MTA3: variants seen among roughly 807,000 people sequenced by gnomAD.
MTA3 encodes metastasis associated 1 family member 3, also known as metastasis-associated protein MTA3.
A neutral mutation model predicts 83.5 loss-of-function variants in MTA3; 34 were observed. That is an observed-to-expected ratio of 0.41 (90% CI 0.31 to 0.54). The LOEUF (loss-of-function observed/expected upper bound fraction) is 0.54. MTA3 is among the 20% of genes least tolerant of loss of function. MTA3 has a pLI of 0.33. For synonymous variants in MTA3, 303 were observed against 252.7 expected (o/e 1.20, Z -1.89); for missense variants, 761 against 726.4 (o/e 1.05, Z -0.55).
chr2:42,614,712 T>G (rs1684642338), intron 4 of MTA3, among the ~76,000 whole-genome samples: 2 of 152,106 alleles, frequency 1.3e-5, no homozygotes, highest in Non-Finnish European at 2.9e-5. Context: ...CAGTGGCTCA[T>G]GCCTGTAATC....
intron 8 of MTA3, among the ~76,000 whole-genome samples, chr2:42,677,515 TGTATTTTAGTAGAGATGG>T (rs1253755615): frequency 3.3e-5 from 5 of 152,168 alleles, no homozygotes; most frequent in Admixed American, 3.3e-4. Flanking sequence ...GCTGATTTTT[TGTATTTTAGTAGAGATGG>T]GTTTTCGCCG....
chr2:42,754,977 C>T lies in MTA3; in HGVS notation c.*1578C>T. 5 of 985,496 alleles carry T rather than the reference C, an allele frequency of 5.1e-6. No individual in the cohort carries two copies. The highest frequency in any genetic ancestry group is 6.0e-6 in the Non-Finnish European group (5 of 830,036). The allele number at this position is 985,496 out of a possible 1,614,324, so 61.0% of individuals were successfully genotyped here. A position where few individuals can be genotyped will look rare whatever the true frequency, so the allele number is the denominator to read the frequency against. The stretch of plus-strand genomic sequence containing the variant: ...GGGCGAGCATGGGATGTCTCCACCA[C>T]CACCCACTCTTGGAGCTGTGCTGGG... On this transcript the variant is annotated 3_prime_UTR_variant, in exon 17 of 17. Transcript: ENST00000405094.
At chr2:42,620,795 G>T (rs1328320137) in intron 4 of MTA3, among the ~76,000 whole-genome samples, 3 of 152,186 alleles carry the variant, frequency 2.0e-5, no homozygotes, top group Non-Finnish European at 4.4e-5. Flanking sequence ...GGCCCAGCTG[G>T]TTAACTCGAG....
chr2:42,547,686 AGAC>A (rs1676820628), intron 2 of MTA3, among the ~76,000 whole-genome samples: 1 of 152,230 alleles, frequency 6.6e-6, no homozygotes, highest in Non-Finnish European at 1.5e-5. Flanking sequence ...GGACTGGCCA[AGAC>A]TTAGCTATTG....
In MTA3 at chr2:42,542,789, T is replaced by A. The variant is rs184703543; in HGVS notation, c.-140-27648T>A. On this transcript the variant is annotated intron_variant, in intron 2 of 17. Coordinates refer to the MTA3 transcript ENST00000405592. ...CCAGGCTGGTCTCAAACACCTGACC[T>A]TAAGTGACCTGTCCACCTCAGCCTC... 1.3e-3 allele frequency among the ~76,000 whole-genome samples: 200 copies of A among 152,136 alleles called. 1 individual carries two copies. The highest frequency in any genetic ancestry group is 4.6e-3 in the African/African-American group (191 of 41,510).
At chr2:42,562,769 G>A (rs1465899555) in intron 2 of MTA3, among the ~76,000 whole-genome samples, 2 of 152,120 alleles carry the variant, frequency 1.3e-5, no homozygotes, top group Non-Finnish European at 2.9e-5. Context: ...ACCAGAAGTG[G>A]CTATTTCCAG....
chr2:42,684,986 G>A (rs1454067562), intron 9 of MTA3, among the ~76,000 whole-genome samples: 1 of 152,196 alleles, frequency 6.6e-6, no homozygotes, highest in Middle Eastern at 3.2e-3. Context: ...CAAAGTGGAA[G>A]AGGCTTCATG....
Position 42,579,139 on chromosome 2 carries a change from A to T in MTA3, c.129A>T (p.Val43=), listed in dbSNP as rs372436779. The T allele has an allele frequency of 3.1e-6, 5 of 1,609,060 alleles. No individual in the cohort carries two copies. In the African/African-American group the frequency reaches 5.3e-5, roughly 17 times the overall value. ...GTGGCAACGTGGAAGCAAAAGTAGT[A>T]TGCTTTTATAGACGACGTGATATTT... The part of the protein sequence containing the change: ...TASGNVEAKV[V]CFYRRRDISN... The change falls in exon 3 of 17, where the codon GTA becomes GTT. Residue 43 remains valine (V), a synonymous_variant. Coordinates refer to ENST00000405094, the MANE Select transcript of MTA3 (RefSeq NM_001330442.2).
intron 16 of MTA3, among the ~76,000 whole-genome samples, chr2:42,746,238 T>C (rs1669411482): frequency 6.6e-6 from 1 of 152,184 alleles, no homozygotes; most frequent in Non-Finnish European, 1.5e-5. Context: ...TTTTTTCTGG[T>C]TTTATTAAAC....
At chr2:42,742,012 T>C (rs572184597) in intron 16 of MTA3, among the ~76,000 whole-genome samples, 3 of 152,314 alleles carry the variant, frequency 2.0e-5, no homozygotes, top group South Asian at 4.1e-4. Context: ...AACTACATAT[T>C]CCTGCACATG....
intron 2 of MTA3, among the ~76,000 whole-genome samples, chr2:42,558,073 T>C (rs1371510949): frequency 6.6e-6 from 1 of 152,130 alleles, no homozygotes; most frequent in East Asian, 1.9e-4. Context: ...TTGCTCCAGT[T>C]TGTCGGTTGG....
chr2:42,756,904 T>C lies in MTA3; in HGVS notation c.*3505T>C, dbSNP rs62145479. The C allele has an allele frequency of 0.046, 45,223 of 985,486 alleles. 1,125 individuals carry two copies. Among genetic ancestry groups the C allele is most frequent in the Non-Finnish European group, 0.051 (41,950 of 829,936 alleles). The allele number at this position is 985,486 out of a possible 1,614,324, so 61.0% of individuals were successfully genotyped here. ...CTGTCTGTAAGGAGATGCCATCTAC[T>C]AACCAATTTGTATTGTGTTTCCAAT... On this transcript the variant is annotated 3_prime_UTR_variant, in exon 17 of 17. Coordinates refer to ENST00000405094, the MANE Select transcript of MTA3 (RefSeq NM_001330442.2).
At chr2:42,626,412 C>T (rs1387001395) in intron 4 of MTA3, among the ~76,000 whole-genome samples, 4 of 151,744 alleles carry the variant, frequency 2.6e-5, no homozygotes, top group Non-Finnish European at 4.4e-5. Flanking sequence ...ATTCTCCTGC[C>T]TCCGCCTCCA....
chr2:42,686,278 C>T (rs1573616844), intron 9 of MTA3, among the ~76,000 whole-genome samples: 1 of 152,166 alleles, frequency 6.6e-6, no homozygotes, highest in Non-Finnish European at 1.5e-5. Context: ...TTAGCGATAG[C>T]TTTATTCCGA....
intron 4 of MTA3, among the ~76,000 whole-genome samples, chr2:42,636,868 G>C (rs887997005): frequency 6.6e-6 from 1 of 151,916 alleles, no homozygotes; most frequent in Non-Finnish European, 1.5e-5. Flanking sequence ...CTCGTGACCC[G>C]CCCGCATCGG....
chr2:42,594,726 A>T (rs867251004), intron 3 of MTA3, among the ~76,000 whole-genome samples: 593 of 29,342 alleles, frequency 0.02, 10 homozygotes, highest in African/African-American at 0.12. Context: ...ATATATATAT[A>T]TATTTTTTTT....
At chr2:42,707,245 T>C (rs1055811455) in intron 12 of MTA3, among the ~76,000 whole-genome samples, 20 of 151,940 alleles carry the variant, frequency 1.3e-4, no homozygotes, top group African/African-American at 4.4e-4. Context: ...GATTTAGATT[T>C]TTTTTTTTTT....
intron 3 of MTA3, among the ~76,000 whole-genome samples, chr2:42,587,347 T>C (rs1393867784): frequency 6.6e-6 from 1 of 152,056 alleles, no homozygotes; most frequent in East Asian, 1.9e-4. Flanking sequence ...GAGCAAACAT[T>C]TAAAAGATAC....
chr2:42,511,195 A>G (rs1262473290), intron 2 of MTA3, among the ~76,000 whole-genome samples: 2 of 152,112 alleles, frequency 1.3e-5, no homozygotes, highest in South Asian at 2.1e-4. Context: ...TGCAACCAAA[A>G]TAGCATTGAC....
Sources: allele counts gnomAD v4.1 joint callset (sites outside exome capture counted in the v4.1 genomes callset), GRCh38; gene constraint gnomAD v4.1.1; transcripts MANE v1.5; gene names NCBI Gene and HGNC (gene_info 2026-07-23, HGNC 2026-07-21).